Variants in PPP4R3A observed in about 807,000 individuals in gnomAD.
PPP4R3A encodes the protein serine/threonine-protein phosphatase 4 regulatory subunit 3A.
In PPP4R3A, 15 loss-of-function variants were observed where a neutral mutation model predicts 91.7. The observed-to-expected ratio is 0.16, with a 90% confidence interval of 0.11 to 0.25. PPP4R3A has a LOEUF of 0.25. PPP4R3A is among the 10% of genes least tolerant of loss of function. The probability of loss-of-function intolerance (pLI) is 1.00; values close to 1 mark genes in which losing one functional copy is unlikely to be tolerated. For synonymous variants in PPP4R3A, 377 were observed against 348.7 expected, an observed-to-expected ratio of 1.08 and a Z score of -0.91; for missense variants, 623 against 998.4, an observed-to-expected ratio of 0.62 and a Z score of 5.07.
At chr14:91,464,289 T>G (rs1233945287) in intron 11 of PPP4R3A, among the ~76,000 whole-genome samples, 1 of 151,810 alleles carries the variant, frequency 6.6e-6, no homozygotes, top group Non-Finnish European at 1.5e-5. Flanking sequence ...CCACCGCACT[T>G]CAGCCTGGGT....
chr14:91,508,372 T>A (rs1280883223), intron 1 of PPP4R3A, among the ~76,000 whole-genome samples: 1 of 152,220 alleles, frequency 6.6e-6, no homozygotes, highest in Non-Finnish European at 1.5e-5. Context: ...GAATTGGAGT[T>A]CTGGGGAGAG....
Position 91,486,468 on chromosome 14 carries a change from G to A in PPP4R3A, c.199-738C>T, listed in dbSNP as rs565697087. On this transcript the variant is annotated intron_variant, in intron 2 of 14. Transcript: ENST00000554943. ...ATTACAGGCATGAGCCACAGTGCCT[G>A]GCCATCTAGACAGAACTTTAATGAA... Among the ~76,000 whole-genome samples the A allele has an allele frequency of 2.4e-4, 36 of 152,140 alleles. 1 individual carries two copies. In the South Asian group the frequency reaches 7.5e-3, roughly 32 times the overall value.
chr14:91,488,131 G>C (rs865911923), intron 2 of PPP4R3A, among the ~76,000 whole-genome samples: 3 of 151,700 alleles, frequency 2.0e-5, no homozygotes, highest in African/African-American at 7.3e-5. Flanking sequence ...GGACGCTGCA[G>C]TGCACTATGA....
At chr14:91,478,457 A>C (rs980904205) in intron 4 of PPP4R3A, among the ~76,000 whole-genome samples, 2 of 152,274 alleles carry the variant, frequency 1.3e-5, no homozygotes, top group African/African-American at 4.8e-5. Context: ...CTTCTTGCCA[A>C]AACATTTGTA....
chr14:91,482,784 C>T (rs975223043), intron 3 of PPP4R3A, among the ~76,000 whole-genome samples: 1 of 152,062 alleles, frequency 6.6e-6, no homozygotes, highest in African/African-American at 2.4e-5. Context: ...TGGCTTTGGA[C>T]CAAAGTGAGT....
chr14:91,479,819 G>C (rs1451260839), intron 4 of PPP4R3A, among the ~76,000 whole-genome samples: 2 of 152,224 alleles, frequency 1.3e-5, no homozygotes, highest in Admixed American at 6.5e-5. Flanking sequence ...TGGGATTGTA[G>C]GCGTGAGCTA....
chr14:91,459,018 T>A, intron 14 of PPP4R3A, 149 bp from the exon 15 acceptor site: 1 of 837,922 alleles, frequency 1.2e-6, no homozygotes, highest in Non-Finnish European at 1.8e-6. Context: ...TTCAATTCAT[T>A]ATGTTTACAT....
intron 12 of PPP4R3A, among the ~76,000 whole-genome samples, chr14:91,462,453 CCT>C (rs1482739193): frequency 5.3e-5 from 8 of 150,924 alleles, no homozygotes; most frequent in African/African-American, 1.9e-4. Flanking sequence ...GTAATATAAT[CCT>C]CTGATTTTAT....
intron 11 of PPP4R3A, 85 bp from the exon 12 acceptor site, chr14:91,462,962 C>CA: frequency 9.6e-7 from 1 of 1,044,442 alleles, no homozygotes; most frequent in Non-Finnish European, 1.4e-6. Flanking sequence ...TCATACCCAC[C>CA]AAAAATAGCT....
At position 91,509,852 on chromosome 14, in the gene PPP4R3A, C is replaced by G; in HGVS notation, c.-205G>C. The G allele has an allele frequency of 8.7e-7, 1 of 1,149,312 alleles. No individual in the cohort carries two copies. The highest frequency in any genetic ancestry group is 1.1e-6 in the Non-Finnish European group (1 of 937,718). The allele number at this position is 1,149,312 out of a possible 1,614,324, so 71.2% of individuals were successfully genotyped here. Reference sequence around the variant, plus strand: ...TCTGGGCCGCCGCCTTTCCTCGCCTCCGGCTCCCCGGCGCTATTGTCCAGG... The same window carrying G: ...TCTGGGCCGCCGCCTTTCCTCGCCTGCGGCTCCCCGGCGCTATTGTCCAGG... On this transcript the variant is annotated 5_prime_UTR_variant, in exon 1 of 15. Coordinates refer to ENST00000554943, the MANE Select transcript of PPP4R3A (RefSeq NM_001366432.2).
intron 9 of PPP4R3A, among the ~76,000 whole-genome samples, chr14:91,471,279 A>G (rs1413059622): frequency 6.6e-6 from 1 of 152,226 alleles, no homozygotes; most frequent in Non-Finnish European, 1.5e-5. Flanking sequence ...GAGTTATGAT[A>G]CAAATCTAGA....
At chr14:91,462,662 A>G (rs935315214) in intron 12 of PPP4R3A, 73 bp downstream of exon 12, 6 of 1,539,986 alleles carry the variant, frequency 3.9e-6, no homozygotes, top group Non-Finnish European at 5.4e-6. Context: ...GCCAAATAAT[A>G]TCAAATAAAC....
Position 91,509,735 on chromosome 14 carries a change from GC to G in PPP4R3A, c.-89del. 2 of 1,393,470 alleles carry G rather than the reference GC, an allele frequency of 1.4e-6. No individual in the cohort carries two copies. Among genetic ancestry groups the G allele is most frequent in the Non-Finnish European group, 1.8e-6 (2 of 1,082,284 alleles). The allele number at this position is 1,393,470 out of a possible 1,614,324, so 86.3% of individuals were successfully genotyped here. A position where few individuals can be genotyped will look rare whatever the true frequency, so the allele number is the denominator to read the frequency against. On this transcript the variant is annotated 5_prime_UTR_variant, in exon 1 of 15. Transcript: ENST00000554943. ...GAGGCGAGGGGCGAGGCGTGAGGGC[GC>G]CCGCGAGCGGAGGGCTCCCCGGCCT...
chr14:91,493,273 C>A (rs1890337239), intron 1 of PPP4R3A, among the ~76,000 whole-genome samples: 1 of 148,046 alleles, frequency 6.8e-6, no homozygotes, highest in African/African-American at 2.6e-5. Flanking sequence ...GCTGAGATTG[C>A]ATCACTGCAA....
At chr14:91,497,444 C>G (rs1022001384) in intron 1 of PPP4R3A, among the ~76,000 whole-genome samples, 5 of 151,998 alleles carry the variant, frequency 3.3e-5, no homozygotes, top group Admixed American at 3.3e-4. Flanking sequence ...AAATCCTACA[C>G]TCCAATTCAA....
chr14:91,489,825 A>G (rs1367053137), intron 2 of PPP4R3A, among the ~76,000 whole-genome samples: 1 of 152,256 alleles, frequency 6.6e-6, no homozygotes. Context: ...TACTGTATGA[A>G]TGTTTGGTGG....
intron 13 of PPP4R3A, among the ~76,000 whole-genome samples, 194 bp downstream of exon 13, chr14:91,461,852 CTTA>C (rs1481551443): frequency 6.6e-6 from 1 of 152,104 alleles, no homozygotes; most frequent in Non-Finnish European, 1.5e-5. Context: ...TAGTATATTC[CTTA>C]TTCAACTCAA....
At chr14:91,462,675 T>C in intron 12 of PPP4R3A, 60 bp downstream of exon 12, 3 of 1,578,288 alleles carry the variant, frequency 1.9e-6, no homozygotes, top group Non-Finnish European at 2.6e-6. Flanking sequence ...AAATAAACAA[T>C]AAAGCCACTA....
At chr14:91,468,447 G>A (rs553549087) in intron 10 of PPP4R3A, among the ~76,000 whole-genome samples, 18 of 152,048 alleles carry the variant, frequency 1.2e-4, no homozygotes, top group East Asian at 3.9e-4. Context: ...CGAGGCAGGC[G>A]GATCACGAGG....
Sources: allele counts gnomAD v4.1 joint callset (sites outside exome capture counted in the v4.1 genomes callset), GRCh38; gene constraint gnomAD v4.1.1; transcripts MANE v1.5; gene names NCBI Gene and HGNC (gene_info 2026-07-23, HGNC 2026-07-21).